Variants in FAT3 observed in about 807,000 individuals in gnomAD.
The protein encoded by FAT3 is FAT atypical cadherin 3.
Under a neutral mutation model 310.2 loss-of-function variants are expected in FAT3, and 95 were observed. That is an observed-to-expected ratio of 0.31 (90% CI 0.26 to 0.36). The LOEUF is 0.36. Among genes scored for constraint, FAT3 ranks in the 10% least tolerant of loss-of-function variants. The pLI is 1.00. For missense variants in FAT3, 5,408 were observed against 5,715.6 expected (o/e 0.95, Z 1.74); for synonymous variants, 2,314 against 2,192.9 (o/e 1.06, Z -1.54).
At chr11:92,594,990 T>G (rs1043832306) in intron 3 of FAT3, among the ~76,000 whole-genome samples, 7 of 129,830 alleles carry the variant, frequency 5.4e-5, no homozygotes, top group African/African-American at 2.3e-4. Flanking sequence ...TATAGACTCA[T>G]GAATAAATGT....
chr11:92,384,858 C>A (rs1818977309), intron 2 of FAT3, among the ~76,000 whole-genome samples: 1 of 152,158 alleles, frequency 6.6e-6, no homozygotes, highest in African/African-American at 2.4e-5. Flanking sequence ...TTAAAGCAAG[C>A]TTATCTGTAA....
At chr11:92,553,684 C>CCTTCCTTCCTTCCTTCCTTCCTTT (rs1321892506) in intron 3 of FAT3, among the ~76,000 whole-genome samples, 3 of 35,628 alleles carry the variant, frequency 8.4e-5, no homozygotes, top group Non-Finnish European at 2.0e-4. Context: ...TCCCTTCCTT[C>CCTTCCTTCCTTCCTTCCTTCCTTT]CTTCCTTCCT....
At chr11:92,857,184 C>A (rs751963711) in intron 19 of FAT3, 30 bp from the exon 20 acceptor site, 1 of 1,613,776 alleles carries the variant, frequency 6.2e-7, no homozygotes, top group African/African-American at 1.3e-5. Flanking sequence ...CCTTTGTGTA[C>A]TGATCATGCA....
intron 3 of FAT3, among the ~76,000 whole-genome samples, chr11:92,628,875 CACAGGCACACGTGCA>C (rs1941437640): frequency 6.6e-6 from 1 of 152,172 alleles, no homozygotes; most frequent in Admixed American, 6.5e-5. Flanking sequence ...CACGTGTGTG[CACAGGCACACGTGCA>C]CTCATGCACA....
At chr11:92,543,341 C>T (rs189080493) in intron 3 of FAT3, among the ~76,000 whole-genome samples, 184 of 152,228 alleles carry the variant, frequency 1.2e-3, no homozygotes, top group African/African-American at 4.3e-3. Context: ...TGAGTGTTCT[C>T]ACCACACAAA....
At chr11:92,254,629 T>C (rs1248165596) in intron 1 of FAT3, among the ~76,000 whole-genome samples, 1 of 152,118 alleles carries the variant, frequency 6.6e-6, no homozygotes, top group Admixed American at 6.6e-5. Context: ...TGTTACCCTA[T>C]GGAAATTTTA....
intron 3 of FAT3, among the ~76,000 whole-genome samples, chr11:92,651,197 A>G (rs1942368338): frequency 6.6e-6 from 1 of 152,208 alleles, no homozygotes; most frequent in Non-Finnish European, 1.5e-5. Flanking sequence ...CTGCTGTGCT[A>G]GATGTTGGGA....
At chr11:92,861,959 C>T (rs531597934) in intron 21 of FAT3, among the ~76,000 whole-genome samples, 7 of 152,218 alleles carry the variant, frequency 4.6e-5, no homozygotes, top group South Asian at 2.1e-4. Context: ...ACAGAGACCT[C>T]GAGAAGTGAA....
rs1442760580 is a variant in FAT3, at chr11:92,840,838, CT to C, written c.10566+82del. 1.3e-5 allele frequency: 17 copies of C among 1,335,554 alleles called. No individual in the cohort carries two copies. The African/African-American group carries it at 2.3e-4, about 18-fold the overall frequency. The allele number at this position is 1,335,554 out of a possible 1,614,324, so 82.7% of individuals were successfully genotyped here. The stretch of plus-strand genomic sequence containing the variant: ...TCTGTCCCCTTTGGTGGATTTTTTT[CT>C]TTGCTGAGTAAGTCAACATAATTCA... On this transcript the variant is annotated intron_variant, in intron 18 of 27. Transcript: ENST00000525166.
chr11:92,721,503 T>A (rs1051398221), intron 4 of FAT3, among the ~76,000 whole-genome samples: 4 of 152,196 alleles, frequency 2.6e-5, no homozygotes, highest in African/African-American at 9.6e-5. Flanking sequence ...TACACTTACA[T>A]AAACAATAAT....
chr11:92,469,219 CT>C (rs1292746814), intron 2 of FAT3, among the ~76,000 whole-genome samples: 6 of 152,072 alleles, frequency 3.9e-5, no homozygotes, highest in Non-Finnish European at 8.8e-5. Context: ...TAAATTAGCC[CT>C]GTTTAATGTT....
chr11:92,451,254 G>T (rs533732952), intron 2 of FAT3, among the ~76,000 whole-genome samples: 1 of 152,218 alleles, frequency 6.6e-6, no homozygotes, highest in Non-Finnish European at 1.5e-5. Flanking sequence ...TTCATTGGTG[G>T]GTCACTCTGG....
chr11:92,634,230 AG>A (rs1429353503), intron 3 of FAT3, among the ~76,000 whole-genome samples: 1 of 152,216 alleles, frequency 6.6e-6, no homozygotes, highest in East Asian at 1.9e-4. Context: ...CTGACCTACC[AG>A]GATTTCTTCT....
At chr11:92,292,409 A>T (rs1374526544) in intron 1 of FAT3, among the ~76,000 whole-genome samples, 1 of 152,010 alleles carries the variant, frequency 6.6e-6, no homozygotes, top group East Asian at 1.9e-4. Flanking sequence ...AGAGTTGTTG[A>T]ACATGACCAT....
chr11:92,634,099 A>G (rs938362996), intron 3 of FAT3, among the ~76,000 whole-genome samples: 4 of 152,194 alleles, frequency 2.6e-5, no homozygotes, highest in Non-Finnish European at 5.9e-5. Context: ...GCGATCTTCT[A>G]GACTACAGCA....
intron 1 of FAT3, among the ~76,000 whole-genome samples, chr11:92,295,754 A>G (rs567030862): frequency 1.3e-5 from 2 of 152,210 alleles, no homozygotes; most frequent in African/African-American, 4.8e-5. Flanking sequence ...TTTGCTGACT[A>G]TGGAAAGAAG....
At chr11:92,305,717 C>A (rs1345612432) in intron 1 of FAT3, among the ~76,000 whole-genome samples, 2 of 151,906 alleles carry the variant, frequency 1.3e-5, no homozygotes, top group African/African-American at 2.4e-5. Flanking sequence ...TCAGATAAAC[C>A]CAAATAGAAA....
At chr11:92,593,687 G>A (rs1338281658) in intron 3 of FAT3, among the ~76,000 whole-genome samples, 3 of 152,060 alleles carry the variant, frequency 2.0e-5, no homozygotes, top group Non-Finnish European at 4.4e-5. Flanking sequence ...TGACCTTGTT[G>A]CAAAATATAG....
Position 92,534,329 on chromosome 11 carries a change from AG to A in FAT3, c.3607+9384del, listed in dbSNP as rs1271991448. Among the ~76,000 whole-genome samples, 5 of 152,196 alleles carry A rather than the reference AG, an allele frequency of 3.3e-5. No individual in the cohort carries two copies. The East Asian group carries it at 9.6e-4, about 29-fold the overall frequency. ...CTCTGGGCACAAAAGTGGTTTGACC[AG>A]GGTCACCCAGCTGGTCAGTGCCGAG... is the stretch of plus-strand genomic sequence containing the variant. On this transcript the variant is annotated intron_variant, in intron 3 of 27. Coordinates refer to ENST00000525166, the MANE Select transcript of FAT3 (RefSeq NM_001367949.2).
Sources: gnomAD v4.1 joint callset for allele counts (sites outside exome capture counted in the v4.1 genomes callset) on GRCh38, gnomAD v4.1.1 for gene constraint, MANE v1.5 for transcripts, NCBI Gene and HGNC (gene_info 2026-07-23, HGNC 2026-07-21) for gene names.